The following GAK variants were observed in gnomAD, a reference collection of about 807,000 sequenced individuals.
GAK encodes the protein cyclin-G-associated kinase.
In GAK, 79 loss-of-function variants were observed where a neutral mutation model predicts 143.9. That is an observed-to-expected ratio of 0.55 (90% CI 0.46 to 0.66). The LOEUF is 0.66. GAK is among the 30% of genes least tolerant of loss of function. The probability of loss-of-function intolerance (pLI) is 0.00; values close to 1 mark genes in which losing one functional copy is unlikely to be tolerated. For missense variants in GAK, 1,693 were observed against 1,779.7 expected (o/e 0.95, Z 0.88); for synonymous variants, 881 against 765.5 (o/e 1.15, Z -2.49).
intron 1 of GAK, among the ~76,000 whole-genome samples, chr4:930,864 T>C (rs1212577040): frequency 2.0e-5 from 3 of 152,056 alleles, no homozygotes; most frequent in Non-Finnish European, 4.4e-5. Flanking sequence ...AGGCCTTTTG[T>C]GATAATCAGA....
At chr4:850,138 G>C in intron 26 of GAK, 70 bp from the exon 27 acceptor site, 1 of 1,425,106 alleles carries the variant, frequency 7.0e-7, no homozygotes, top group Non-Finnish European at 9.4e-7. Flanking sequence ...CGCGGAAACT[G>C]AGGCACGACG....
At chr4:904,424 G>A (rs368887902) in intron 5 of GAK, among the ~76,000 whole-genome samples, 3 of 151,242 alleles carry the variant, frequency 2.0e-5, no homozygotes, top group South Asian at 2.1e-4. Context: ...GATGATGGGC[G>A]GCTCCTAACC....
At chr4:890,365 A>G (rs1577187776) in intron 10 of GAK, among the ~76,000 whole-genome samples, 167 bp downstream of exon 10, 1 of 152,082 alleles carries the variant, frequency 6.6e-6, no homozygotes, top group Admixed American at 6.5e-5. Context: ...GCCCCAGGGA[A>G]CTGCCGAACC....
At chr4:906,699 G>A (rs1721143522) in intron 4 of GAK, among the ~76,000 whole-genome samples, 1 of 152,092 alleles carries the variant, frequency 6.6e-6, no homozygotes, top group Non-Finnish European at 1.5e-5. Flanking sequence ...TCTCTACAGA[G>A]CAGCCACCGT....
chr4:849,864 C>T, intron 27 of GAK, 28 bp downstream of exon 27: 1 of 1,512,952 alleles, frequency 6.6e-7, no homozygotes, highest in African/African-American at 1.4e-5. Flanking sequence ...CTGAAGGCCT[C>T]AAGCGGCCGC....
At chr4:862,232 G>T (rs890834275) in intron 23 of GAK, among the ~76,000 whole-genome samples, 3 of 150,868 alleles carry the variant, frequency 2.0e-5, no homozygotes, top group Admixed American at 2.0e-4. Context: ...CTGATGAAGG[G>T]GCTGCACCCG....
chr4:878,942 T>A (rs1349782633), intron 15 of GAK, among the ~76,000 whole-genome samples: 1 of 152,080 alleles, frequency 6.6e-6, no homozygotes, highest in Non-Finnish European at 1.5e-5. Context: ...GTGGCCCAGC[T>A]CAGTCAGCAG....
intron 1 of GAK, chr4:915,812 G>C (rs1038471275): frequency 6.6e-6 from 1 of 152,170 alleles, no homozygotes; most frequent in Admixed American, 6.6e-5. Flanking sequence ...AGGAGGCGGG[G>C]ATCCTTGTTC....
At chr4:860,684 G>A (rs1750111973) in intron 23 of GAK, among the ~76,000 whole-genome samples, 2 of 152,076 alleles carry the variant, frequency 1.3e-5, no homozygotes, top group Non-Finnish European at 2.9e-5. Context: ...CCCAGGCCCT[G>A]GCGCACCTCG....
rs1282789949 is a variant in GAK, at chr4:932,202, C to T, written c.-15G>A. The T allele has an allele frequency of 8.5e-6, 13 of 1,523,798 alleles. No individual in the cohort carries two copies. Among genetic ancestry groups the T allele is most frequent in the Non-Finnish European group, 1.1e-5 (13 of 1,139,164 alleles). 94.4% of individuals were successfully genotyped at this position (1,523,798 alleles called of 1,614,324 possible). On this transcript the variant is annotated 5_prime_UTR_variant, in exon 1 of 28. Coordinates refer to ENST00000314167, the MANE Select transcript of GAK (RefSeq NM_005255.4). This position sits in a 1 kb window ranked among gnomAD's most constrained non-coding sequence, Gnocchi z 4.0. ...AGCAGCGACATGGCGGTGGCTGCGC[C>T]GCACCCCGCGGCAGCCGGAGTGGTC...
At chr4:862,093 T>C (rs578018004) in intron 23 of GAK, among the ~76,000 whole-genome samples, 11 of 151,746 alleles carry the variant, frequency 7.2e-5, no homozygotes, top group Non-Finnish European at 1.6e-4. Flanking sequence ...AGACTCTCCA[T>C]GCAGACGAGA....
chr4:865,445 G>C (rs963117285), intron 22 of GAK, among the ~76,000 whole-genome samples: 5 of 152,006 alleles, frequency 3.3e-5, no homozygotes, highest in African/African-American at 1.2e-4. Flanking sequence ...AGTGGACGTA[G>C]GGGCACCAGC....
chr4:902,596 C>CA lies in GAK; in HGVS notation c.525+2040dup, dbSNP rs768017849. Among the ~76,000 whole-genome samples the CA allele has an allele frequency of 2.0e-3, 119 of 60,698 alleles. 9 individuals are homozygous for CA. The highest frequency in any genetic ancestry group is 3.1e-3 in the South Asian group (4 of 1,290). The allele number at this position is 60,698 out of a possible 152,430, so 39.8% of individuals were successfully genotyped here. A position where few individuals can be genotyped will look rare whatever the true frequency, so the allele number is the denominator to read the frequency against. On this transcript the variant is annotated intron_variant, in intron 5 of 27. Coordinates refer to ENST00000314167, the MANE Select transcript of GAK (RefSeq NM_005255.4). ...AGCCTGGGCTGTAGAGTGACTGACT[C>CA]AAAAAAAAAAAAAAAAAACCCCAAA...
intron 18 of GAK, among the ~76,000 whole-genome samples, chr4:874,206 G>A (rs1356621619): frequency 2.0e-5 from 3 of 152,092 alleles, no homozygotes; most frequent in East Asian, 1.9e-4. Flanking sequence ...GTGCGCACGC[G>A]CTGGTGCTCC....
chr4:851,040 A>C lies in GAK; in HGVS notation c.3553T>G (p.Ser1185Ala). ...VSENDFEDLL[S>A]NQGFSSRSDK... The stretch of plus-strand genomic sequence containing the variant: ...GACCTGGAGGAGAAGCCTTGATTGG[A>C]CAACAGATCTTCAAAGTCGTTCTCA... Residue 1185 changes from serine (S) to alanine (A), a missense_variant, in exon 26 of 28, where the codon TCC becomes GCC. Coordinates refer to ENST00000314167, the MANE Select transcript of GAK (RefSeq NM_005255.4). The C allele has an allele frequency of 1.2e-6, 2 of 1,614,092 alleles. No homozygotes were observed. Among genetic ancestry groups the C allele is most frequent in the Non-Finnish European group, 8.5e-7 (1 of 1,179,966 alleles).
intron 15 of GAK, among the ~76,000 whole-genome samples, chr4:878,206 C>T (rs764486801): frequency 3.3e-5 from 5 of 152,062 alleles, no homozygotes; most frequent in African/African-American, 4.8e-5. Flanking sequence ...CTGGGCAACA[C>T]GGTGAAACCC....
At chr4:896,405 G>C in intron 7 of GAK, 55 bp downstream of exon 7, 1 of 1,471,858 alleles carries the variant, frequency 6.8e-7, no homozygotes, top group Non-Finnish European at 9.5e-7. Flanking sequence ...CGCCGCCTCA[G>C]GTTAAGTAGG....
intron 17 of GAK, 129 bp from the exon 18 acceptor site, chr4:876,738 G>A (rs111315721): frequency 8.2e-5 from 62 of 759,532 alleles, no homozygotes; most frequent in African/African-American, 6.6e-4. Flanking sequence ...CGGCGCCCCC[G>A]TGCCACATGT....
chr4:916,840 T>C (rs986259660), intron 1 of GAK, among the ~76,000 whole-genome samples: 5 of 152,244 alleles, frequency 3.3e-5, no homozygotes, highest in Non-Finnish European at 7.3e-5. Context: ...ATTACGCTGC[T>C]GTGTATTTAC....
Sources: allele counts gnomAD v4.1 joint callset (sites outside exome capture counted in the v4.1 genomes callset), GRCh38; gene constraint gnomAD v4.1.1; non-coding constraint Gnocchi (gnomAD v3.1); transcripts MANE v1.5; gene names NCBI Gene and HGNC (gene_info 2026-07-23, HGNC 2026-07-21).